Variants in MACROD2 observed in about 807,000 individuals in gnomAD.
MACROD2 encodes mono-ADP ribosylhydrolase 2.
In MACROD2, 36 loss-of-function variants were observed where a neutral mutation model predicts 70.4. The observed-to-expected ratio is 0.51, with a 90% CI of 0.39 to 0.68. The LOEUF (loss-of-function observed/expected upper bound fraction) is 0.68. Among genes scored for constraint, MACROD2 ranks in the 30% least tolerant of loss-of-function variants. The pLI is 0.00. For synonymous variants in MACROD2, 172 were observed against 178.8 expected (o/e 0.96, Z 0.30); for missense variants, 496 against 538.4 (o/e 0.92, Z 0.78).
chr20:15,594,050 G>A (rs773722335), intron 8 of MACROD2, among the ~76,000 whole-genome samples: 1 of 152,180 alleles, frequency 6.6e-6, no homozygotes, highest in Non-Finnish European at 1.5e-5. Context: ...TGTGGTCAGT[G>A]CTGTCATCCC....
At chr20:14,680,143 G>A (rs2070914039) in intron 4 of MACROD2, among the ~76,000 whole-genome samples, 1 of 152,182 alleles carries the variant, frequency 6.6e-6, no homozygotes, top group South Asian at 2.1e-4. Context: ...TAGGAATTAA[G>A]GAGGAGATGC....
chr20:15,533,816 G>A (rs1309177411), intron 8 of MACROD2, among the ~76,000 whole-genome samples: 1 of 152,138 alleles, frequency 6.6e-6, no homozygotes, highest in Admixed American at 6.5e-5. Flanking sequence ...TGGGAGGTAG[G>A]GTGGAGTGGG....
chr20:14,665,267 C>T (rs998029650), intron 4 of MACROD2, among the ~76,000 whole-genome samples: 14 of 151,298 alleles, frequency 9.3e-5, no homozygotes, highest in Non-Finnish European at 1.9e-4. Flanking sequence ...AGCTTAATGG[C>T]CTTAGTGACC....
chr20:14,386,023 C>T lies in MACROD2; in HGVS notation c.272-107456C>T, dbSNP rs1211791703. Among the ~76,000 whole-genome samples, 10 of 137,546 alleles carry T rather than the reference C, an allele frequency of 7.3e-5. No homozygotes were observed. The East Asian group carries it at 1.2e-3, about 16-fold the overall frequency. 90.2% of individuals were successfully genotyped at this position (137,546 alleles called of 152,430 possible). A position where few individuals can be genotyped will look rare whatever the true frequency, so the allele number is the denominator to read the frequency against. ...AGGACTGCTGTATGAGCCAATACAGCGTATTTTTGTTAGGTACCTAATTTG... is the reference window on the plus strand; with the variant it reads ...AGGACTGCTGTATGAGCCAATACAGTGTATTTTTGTTAGGTACCTAATTTG... On this transcript the variant is annotated intron_variant, in intron 3 of 17. Transcript: ENST00000684519.
intron 3 of MACROD2, among the ~76,000 whole-genome samples, chr20:14,118,767 A>C (rs2054544038): frequency 6.6e-6 from 1 of 150,782 alleles, no homozygotes; most frequent in Middle Eastern, 3.5e-3. Flanking sequence ...AGAAGGGATT[A>C]GTTTTCATAT....
intron 8 of MACROD2, among the ~76,000 whole-genome samples, chr20:15,710,471 CTT>C (rs1568987518): frequency 6.6e-6 from 1 of 152,130 alleles, no homozygotes; most frequent in Admixed American, 6.5e-5. Context: ...ATCAGGGAAA[CTT>C]TATCTACGGC....
chr20:14,115,964 G>A (rs2054508306), intron 3 of MACROD2, among the ~76,000 whole-genome samples: 1 of 152,166 alleles, frequency 6.6e-6, no homozygotes, highest in Non-Finnish European at 1.5e-5. Context: ...GATATTAGAT[G>A]TGTAAATATA....
intron 6 of MACROD2, among the ~76,000 whole-genome samples, chr20:15,316,634 A>G (rs1368400587): frequency 2.0e-5 from 3 of 152,088 alleles, no homozygotes; most frequent in African/African-American, 7.2e-5. Flanking sequence ...TAATGGATAG[A>G]ACACTGAAAT....
At chr20:14,390,257 A>C (rs914972033) in intron 3 of MACROD2, among the ~76,000 whole-genome samples, 32 of 152,204 alleles carry the variant, frequency 2.1e-4, no homozygotes, top group African/African-American at 7.5e-4. Context: ...TGACACGAAC[A>C]AATGGGAAAA....
intron 8 of MACROD2, among the ~76,000 whole-genome samples, chr20:15,741,424 C>T (rs1358340935): frequency 6.6e-6 from 1 of 151,890 alleles, no homozygotes; most frequent in East Asian, 1.9e-4. Flanking sequence ...ACACTGCTTC[C>T]GACTGATATT....
intron 5 of MACROD2, among the ~76,000 whole-genome samples, chr20:14,755,818 CAATAGGAAGAA>C (rs2071933203): frequency 6.6e-6 from 1 of 151,780 alleles, no homozygotes; most frequent in Non-Finnish European, 1.5e-5. Context: ...AATATTCTAT[CAATAGGAAGAA>C]CTTCAAGAAA....
At position 16,041,219 on chromosome 20, in the gene MACROD2, C is replaced by G. The variant is rs201702162; in HGVS notation, c.1172C>G (p.Pro391Arg). 45 of 1,611,954 alleles carry G rather than the reference C, an allele frequency of 2.8e-5. No individual in the cohort carries two copies. In the East Asian group the frequency reaches 7.4e-4, roughly 26 times the overall value. ...EGEKAPGEDT[P>R]RMPGKSEGSS... ...CTTCCAGCTCCAGGCGAGGACACAC[C>G]TAGGATGCCTGGGAAAAGTGAAGGC... The change falls in exon 16 of 18, where the codon CCT becomes CGT. Residue 391 changes from proline to arginine, a missense_variant. Physicochemically the swap from Pro to Arg is moderately radical, Grantham distance 103 (BLOSUM62 -2). Transcript: ENST00000684519.
rs531067323 is a variant in MACROD2 at position 15,110,438 on chromosome 20, A to G, written c.419-119502A>G. On this transcript the variant is annotated intron_variant, in intron 5 of 17. Transcript: ENST00000684519. The stretch of plus-strand genomic sequence containing the variant: ...TGAATTAATTCTAATACTAGAGGCA[A>G]TACTTGGGCCAGAGGCTGGGTGAAG... Among the ~76,000 whole-genome samples the G allele has an allele frequency of 7.9e-5, 12 of 152,262 alleles. No individual in the cohort carries two copies. In the East Asian group the frequency reaches 1.9e-3, roughly 25 times the overall value.
At chr20:14,430,458 G>A (rs1369173699) in intron 3 of MACROD2, among the ~76,000 whole-genome samples, 2 of 152,072 alleles carry the variant, frequency 1.3e-5, no homozygotes, top group African/African-American at 2.4e-5. Flanking sequence ...TTTAGCAATC[G>A]GTTTGATATG....
chr20:15,939,113 G>T (rs958117364), intron 12 of MACROD2, among the ~76,000 whole-genome samples: 1 of 152,308 alleles, frequency 6.6e-6, no homozygotes, highest in Non-Finnish European at 1.5e-5. Context: ...TAATGTGCAA[G>T]GTGAAGCAGC....
intron 5 of MACROD2, among the ~76,000 whole-genome samples, chr20:14,696,907 A>G (rs1568744025): frequency 1.3e-5 from 2 of 152,120 alleles, no homozygotes; most frequent in Non-Finnish European, 2.9e-5. Context: ...TCTTGCTTTT[A>G]TGTTACTCCT....
intron 3 of MACROD2, among the ~76,000 whole-genome samples, chr20:14,188,551 A>T (rs1412237702): frequency 6.6e-6 from 1 of 152,164 alleles, no homozygotes; most frequent in African/African-American, 2.4e-5. Context: ...GGATTTTCTT[A>T]TAAAAACAAA....
chr20:14,954,726 A>AAAT (rs1207419568), intron 5 of MACROD2, among the ~76,000 whole-genome samples: 2 of 37,026 alleles, frequency 5.4e-5, no homozygotes, highest in Non-Finnish European at 1.4e-4. Context: ...ATAAATGTAT[A>AAAT]AATATATAAA....
chr20:15,329,831 C>T (rs1250896550), intron 6 of MACROD2, among the ~76,000 whole-genome samples: 1 of 152,046 alleles, frequency 6.6e-6, no homozygotes, highest in Non-Finnish European at 1.5e-5. Flanking sequence ...TGGTGGGGCT[C>T]AGGCGTGCTA....
Sources: allele counts gnomAD v4.1 joint callset (sites outside exome capture counted in the v4.1 genomes callset), GRCh38; gene constraint gnomAD v4.1.1; transcripts MANE v1.5; gene names NCBI Gene and HGNC (gene_info 2026-07-23, HGNC 2026-07-21).